Variants in PRRC2A observed in about 807,000 individuals in gnomAD.
PRRC2A encodes the protein proline rich coiled-coil 2A.
A neutral mutation model predicts 224.6 loss-of-function variants in PRRC2A; 59 were observed. The observed-to-expected ratio is 0.26, with a 90% CI of 0.21 to 0.33. The LOEUF (loss-of-function observed/expected upper bound fraction) is 0.33. Among genes scored for constraint, PRRC2A ranks in the 10% least tolerant of loss-of-function variants. The probability of loss-of-function intolerance (pLI) is 1.00; values close to 1 mark genes in which losing one functional copy is unlikely to be tolerated. For synonymous variants in PRRC2A, 1,194 were observed against 1,109.5 expected (o/e 1.08, Z -1.51); for missense variants, 3,095 against 2,880.7 (o/e 1.07, Z -1.70).
rs771952389 is a variant in PRRC2A at position 31,634,576 on chromosome 6, G to C, written c.4935+19G>C. 6.2e-7 allele frequency: 1 copy of C among 1,607,382 alleles called. No individual in the cohort carries two copies. The highest frequency in any genetic ancestry group is 8.5e-7 in the Non-Finnish European group (1 of 1,177,370). On this transcript the variant is annotated intron_variant, in intron 20 of 30. Transcript: ENST00000376033. ...CACAGAAGTGAGTGAGGGTGGGAGG[G>C]TGTGTCTGAGCTGGGACTTTTTTGA...
intron 16 of PRRC2A, 105 bp downstream of exon 16, chr6:31,633,097 G>A (rs1776863036): frequency 7.3e-7 from 1 of 1,363,334 alleles, no homozygotes; most frequent in South Asian, 1.5e-5. Flanking sequence ...GGCCTGAGGG[G>A]CCATGGGCTC....
In PRRC2A at chr6:31,632,022, C is replaced by T. The variant is rs963449851; in HGVS notation, c.3349C>T (p.Leu1117=). Residue 1117 remains leucine, a synonymous_variant, in exon 16 of 31, where the codon CTG becomes TTG. Transcript: ENST00000376033. Reference sequence around the variant, plus strand: ...AGGCAGCGAGACCCATGAGAGTGATCTGGCTCCTTCAGACAAGGAGGCTCC... The same window carrying T: ...AGGCAGCGAGACCCATGAGAGTGATTTGGCTCCTTCAGACAAGGAGGCTCC... ...ETGSETHESD[L]APSDKEAPTP... is the part of the protein sequence containing the mutation. 6.2e-7 allele frequency: 1 copy of T among 1,602,060 alleles called. No homozygotes were observed. The highest frequency in any genetic ancestry group is 2.2e-5 in the East Asian group (1 of 44,686).
chr6:31,621,463 C>T (rs1775281241), intron 1 of PRRC2A, among the ~76,000 whole-genome samples: 1 of 152,098 alleles, frequency 6.6e-6, no homozygotes, highest in Non-Finnish European at 1.5e-5. Context: ...TGGGCCTCTG[C>T]CCCCTTACTT....
In PRRC2A at chr6:31,630,729, C is replaced by G. The variant is rs758749680; in HGVS notation, c.2393C>G (p.Ala798Gly). ...KLAWVGDVFT[A>G]TPAEPRPLTS... ...GCCTGGGTAGGAGATGTCTTCACCGCCACACCCGCTGAACCCCGCCCACTT... is the reference window on the plus strand; with the variant it reads ...GCCTGGGTAGGAGATGTCTTCACCGGCACACCCGCTGAACCCCGCCCACTT... The change falls in exon 15 of 31, where the codon GCC becomes GGC. Residue 798 changes from alanine (A) to glycine (G), a missense_variant. By Grantham distance (60) the Ala-to-Gly change is moderately conservative. Transcript: ENST00000376033. 4.3e-6 allele frequency: 7 copies of G among 1,614,038 alleles called. No individual in the cohort carries two copies. In the Admixed American group the frequency reaches 1.2e-4, roughly 27 times the overall value.
At position 31,633,573 on chromosome 6, in the gene PRRC2A, A is replaced by G; in HGVS notation, c.4514A>G (p.Gln1505Arg). The change falls in exon 17 of 31, where the codon CAA (glutamine) becomes CGA (arginine). Residue 1505 changes from glutamine to arginine, a missense_variant. Transcript: ENST00000376033. ...CCAAGGCACAAGCCTGGGCTTCCCCAAGCCCCTCAGGGCCCCTCTCCTAGG... is the reference window on the plus strand; with the variant it reads ...CCAAGGCACAAGCCTGGGCTTCCCCGAGCCCCTCAGGGCCCCTCTCCTAGG... ...GHPRHKPGLPQAPQGPSPRPP... is the reference protein window; with the variant it reads ...GHPRHKPGLPRAPQGPSPRPP... The G allele has an allele frequency of 1.2e-6, 2 of 1,612,990 alleles. No individual in the cohort carries two copies. Among genetic ancestry groups the G allele is most frequent in the East Asian group, 2.2e-5 (1 of 44,886 alleles).
rs986483997 is a variant in PRRC2A, at chr6:31,622,804, G to A, written c.15G>A (p.Ser5=). Residue 5 remains serine, a synonymous_variant, in exon 2 of 31, where the codon TCG becomes TCA. Transcript: ENST00000376033. ...CTTCCAGCGCAATGTCCGATCGCTC[G>A]GGGCCGACTGCCAAGGGAAAGGATG... The part of the protein sequence containing the change: MSDR[S]GPTAKGKDGK... 5.0e-6 allele frequency: 8 copies of A among 1,613,718 alleles called. No homozygotes were observed. Among genetic ancestry groups the A allele is most frequent in the East Asian group, 4.5e-5 (2 of 44,892 alleles).
chr6:31,631,556 A>T lies in PRRC2A; in HGVS notation c.2883A>T (p.Val961=), dbSNP rs375735085. Residue 961 remains valine (V), a synonymous_variant, in exon 16 of 31, where the codon GTA becomes GTT. Coordinates refer to ENST00000376033, the MANE Select transcript of PRRC2A (RefSeq NM_004638.4). This position sits in a 1 kb window ranked among gnomAD's most constrained non-coding sequence, Gnocchi z 4.5. The part of the protein sequence containing the change: ...PIKKPPPPTK[V]EELPPKPLEQ... ...AGAAACCTCCACCACCTACAAAAGT[A>T]GAAGAGCTGCCTCCCAAGCCCCTCG... is the stretch of plus-strand genomic sequence containing the variant. 6.3e-7 allele frequency: 1 copy of T among 1,593,192 alleles called. No individual in the cohort carries two copies. The highest frequency in any genetic ancestry group is 8.5e-7 in the Non-Finnish European group (1 of 1,172,966).
At position 31,628,155 on chromosome 6, in the gene PRRC2A, C is replaced by G; in HGVS notation, c.1681C>G (p.Pro561Ala). 2.5e-6 allele frequency: 4 copies of G among 1,613,136 alleles called. No individual in the cohort carries two copies. The highest frequency in any genetic ancestry group is 3.4e-6 in the Non-Finnish European group (4 of 1,180,038). ...QAPPAQSTPT[P>A]GVAAAPTLVS... ...CCCTCCTGCCCAATCTACTCCTACT[C>G]CAGGTGTGGCTGCGGCTCCCACTCT... Residue 561 changes from proline (P) to alanine (A), a missense_variant, in exon 12 of 31, where the codon CCA (proline) becomes GCA (alanine). Coordinates refer to ENST00000376033, the MANE Select transcript of PRRC2A (RefSeq NM_004638.4).
chr6:31,632,255 C>G lies in PRRC2A; in HGVS notation c.3582C>G (p.Pro1194=), dbSNP rs150151816. The change falls in exon 16 of 31, where the codon CCC becomes CCG. Residue 1194 remains proline, a synonymous_variant. Transcript: ENST00000376033. ...GWSPPAKSLA[P]KKPPTGPLPP... is the part of the protein sequence containing the mutation. ...GCCCTCCAGCCAAGTCTCTGGCTCCCAAGAAACCTCCCACAGGCCCTTTGC... is the reference window on the plus strand; with the variant it reads ...GCCCTCCAGCCAAGTCTCTGGCTCCGAAGAAACCTCCCACAGGCCCTTTGC... 5,624 of 1,612,994 alleles carry G rather than the reference C, an allele frequency of 3.5e-3. 15 individuals are homozygous for G. The highest frequency in any genetic ancestry group is 4.3e-3 in the Non-Finnish European group (5,115 of 1,179,988).
Position 31,625,255 on chromosome 6 carries a change from C to T in PRRC2A, c.548C>T (p.Ala183Val). 6.2e-7 allele frequency: 1 copy of T among 1,613,208 alleles called. No homozygotes were observed. The highest frequency in any genetic ancestry group is 8.5e-7 in the Non-Finnish European group (1 of 1,180,038). ...LQAAGDQDKA[A>V]KERESAEQSS... ...GCGGCTGGCGACCAGGACAAGGCTG[C>T]CAAGGAAAGGGAGTCTGCCGAACAG... Residue 183 changes from alanine (A) to valine (V), a missense_variant, in exon 6 of 31, where the codon GCC becomes GTC. By Grantham distance (64) the Ala-to-Val change is moderately conservative. Around this residue, in one of 8 missense-constraint regions of PRRC2A, gnomAD observed 287 missense variants for 275.3 expected, o/e 1.04. Coordinates refer to ENST00000376033, the MANE Select transcript of PRRC2A (RefSeq NM_004638.4). This position sits in a 1 kb window ranked among gnomAD's most constrained non-coding sequence, Gnocchi z 4.1.
At position 31,632,701 on chromosome 6, in the gene PRRC2A, C is replaced by G; in HGVS notation, c.4028C>G (p.Pro1343Arg). The change falls in exon 16 of 31, where the codon CCA becomes CGA. Residue 1343 changes from proline to arginine, a missense_variant. By Grantham distance (103) the Pro-to-Arg change is moderately radical. This residue lies in a region of PRRC2A where 2,001 missense variants were observed against 1,764.9 expected (regional missense o/e 1.13). Coordinates refer to ENST00000376033, the MANE Select transcript of PRRC2A (RefSeq NM_004638.4). The part of the protein sequence containing the change: ...ERRGDKEAPP[P>R]VLLTPKAVGT... Reference sequence around the variant, plus strand: ...CGAGGGGACAAAGAGGCACCCCCACCAGTACTGCTGACACCCAAGGCTGTG... The same window carrying G: ...CGAGGGGACAAAGAGGCACCCCCACGAGTACTGCTGACACCCAAGGCTGTG... 1.2e-6 allele frequency: 2 copies of G among 1,613,138 alleles called. No individual in the cohort carries two copies. Among genetic ancestry groups the G allele is most frequent in the South Asian group, 1.1e-5 (1 of 91,082 alleles).
chr6:31,633,340 A>G (rs1776902456), intron 16 of PRRC2A, 39 bp from the exon 17 acceptor site: 1 of 1,587,076 alleles, frequency 6.3e-7, no homozygotes, highest in Non-Finnish European at 8.6e-7. Context: ...AAAAGTAACG[A>G]TTTAGTGGAT....
chr6:31,629,755 C>T lies in PRRC2A; in HGVS notation c.2164C>T (p.Arg722Ter). 1 of 1,612,950 alleles carries T rather than the reference C, an allele frequency of 6.2e-7. No homozygotes were observed. Among genetic ancestry groups the T allele is most frequent in the Non-Finnish European group, 8.5e-7 (1 of 1,179,384 alleles). Reference sequence around the variant, plus strand: ...CATGCCCCCAATGAACTTTGATCCCCGATGGATGATGATTCCTCCTTATGT... The same window carrying T: ...CATGCCCCCAATGAACTTTGATCCCTGATGGATGATGATTCCTCCTTATGT... ...PPMPPMNFDP[R>*]WMMIPPYVDP... The change falls in exon 14 of 31, where the codon CGA (arginine) becomes TGA (stop). Residue 722 changes from arginine (R) to a stop codon, truncating the protein, a stop_gained. Transcript: ENST00000376033. LOFTEE classifies it high-confidence loss of function.
chr6:31,631,203 A>G lies in PRRC2A; in HGVS notation c.2530A>G (p.Asn844Asp). The stretch of plus-strand genomic sequence containing the variant: ...GGCCAGTTATCCAGGCTTTCCTGAG[A>G]ATGGAGCCCCTGGGCCCCCAATCTC... ...YLASYPGFPE[N>D]GAPGPPISRF... The change falls in exon 16 of 31, where the codon AAT becomes GAT. Residue 844 changes from asparagine to aspartate, a missense_variant. Coordinates refer to ENST00000376033, the MANE Select transcript of PRRC2A (RefSeq NM_004638.4). The surrounding 1 kb of genome is among the most constrained non-coding windows in gnomAD (Gnocchi z 4.5). The G allele has an allele frequency of 6.3e-7, 1 of 1,599,388 alleles. No individual in the cohort carries two copies.
rs1267153976 is a variant in PRRC2A, at chr6:31,626,178, G to A, written c.982+16G>A. 5 of 1,605,218 alleles carry A rather than the reference G, an allele frequency of 3.1e-6. No individual in the cohort carries two copies. Among genetic ancestry groups the A allele is most frequent in the Admixed American group, 3.4e-5 (2 of 58,208 alleles). Reference sequence around the variant, plus strand: ...GGTTGGGCAGGTAAGTGGATATTAAGGGTCAAGAATTTGGATCTTGAAAGG... The same window carrying A: ...GGTTGGGCAGGTAAGTGGATATTAAAGGTCAAGAATTTGGATCTTGAAAGG... On this transcript the variant is annotated intron_variant, in intron 9 of 30. Coordinates refer to ENST00000376033, the MANE Select transcript of PRRC2A (RefSeq NM_004638.4).
chr6:31,632,036 CAAG>C lies in PRRC2A; in HGVS notation c.3364_3366del (p.Lys1122del), dbSNP rs764635268. 64 of 1,593,156 alleles carry C rather than the reference CAAG, an allele frequency of 4.0e-5. No individual in the cohort carries two copies. The highest frequency in any genetic ancestry group is 1.9e-4 in the South Asian group (17 of 88,692). On this transcript the variant is annotated inframe_deletion, in exon 16 of 31. Coordinates refer to ENST00000376033, the MANE Select transcript of PRRC2A (RefSeq NM_004638.4). ...ATGAGAGTGATCTGGCTCCTTCAGA[CAAG>C]GAGGCTCCCACACCCAAGGAGGGAA... is the stretch of plus-strand genomic sequence containing the variant.
rs754136477 is a variant in PRRC2A, at chr6:31,633,452, C to G, written c.4393C>G (p.Leu1465Val). The change falls in exon 17 of 31, where the codon CTG becomes GTG. Residue 1465 changes from leucine (L) to valine (V), a missense_variant. This residue lies in a region of PRRC2A where 2,001 missense variants were observed against 1,764.9 expected (regional missense o/e 1.13). Coordinates refer to ENST00000376033, the MANE Select transcript of PRRC2A (RefSeq NM_004638.4). ...TCCCAGCAGTTCTGCTGTCTTCCGCCTGGACCAAGTTATCCACAGCAACCC... is the reference window on the plus strand; with the variant it reads ...TCCCAGCAGTTCTGCTGTCTTCCGCGTGGACCAAGTTATCCACAGCAACCC... ...PPPSSSAVFR[L>V]DQVIHSNPAG... is the part of the protein sequence containing the mutation. 6.2e-7 allele frequency: 1 copy of G among 1,613,110 alleles called. No homozygotes were observed. The highest frequency in any genetic ancestry group is 1.1e-5 in the South Asian group (1 of 91,092).
At chr6:31,635,011 C>G (rs755938966) in intron 21 of PRRC2A, 34 bp downstream of exon 21, 13 of 1,604,352 alleles carry the variant, frequency 8.1e-6, no homozygotes, top group Non-Finnish European at 4.3e-6. Flanking sequence ...GGGAATGTTT[C>G]CAGGAATCTG....
chr6:31,634,959 C>T lies in PRRC2A; in HGVS notation c.5142C>T (p.Pro1714=). Residue 1714 remains proline, a synonymous_variant, in exon 21 of 31, where the codon CCC becomes CCT. Coordinates refer to ENST00000376033, the MANE Select transcript of PRRC2A (RefSeq NM_004638.4). The stretch of plus-strand genomic sequence containing the variant: ...CTCCTAGGAGACCACCACCTGCCCC[C>T]CACGATGGGGACAGAAAGGTAAAAG... ...SEPPRRPPPA[P]HDGDRKELPR... 4.3e-6 allele frequency: 7 copies of T among 1,612,688 alleles called. No homozygotes were observed. The highest frequency in any genetic ancestry group is 5.9e-6 in the Non-Finnish European group (7 of 1,179,848).
Sources: allele counts gnomAD v4.1 joint callset (sites outside exome capture counted in the v4.1 genomes callset), GRCh38; gene constraint gnomAD v4.1.1; regional missense constraint gnomAD v4.1.1; non-coding constraint Gnocchi (gnomAD v3.1); transcripts MANE v1.5; gene names NCBI Gene and HGNC (gene_info 2026-07-23, HGNC 2026-07-21).